GALNT2: variants seen among roughly 807,000 people sequenced by gnomAD.
GALNT2 encodes polypeptide N-acetylgalactosaminyltransferase 2, also known as UDP-GalNAc:polypeptide N-acetylgalactosaminyltransferase 2.
A neutral mutation model predicts 81.4 loss-of-function variants in GALNT2; 31 were observed. The observed-to-expected ratio is 0.38, with a 90% CI of 0.29 to 0.51. The LOEUF is 0.51. Among genes scored for constraint, GALNT2 ranks in the 20% least tolerant of loss-of-function variants. GALNT2 has a pLI of 0.87. For missense variants in GALNT2, 629 were observed against 765.7 expected (o/e 0.82, Z 2.11); for synonymous variants, 303 against 287.4 (o/e 1.05, Z -0.55).
Position 230,279,226 on chromosome 1 carries a change from G to A in GALNT2, c.1561-77G>A. 1.4e-6 allele frequency: 2 copies of A among 1,463,392 alleles called. No homozygotes were observed. The highest frequency in any genetic ancestry group is 2.6e-5 in the South Asian group (2 of 75,516). The allele number at this position is 1,463,392 out of a possible 1,614,324, so 90.7% of individuals were successfully genotyped here. A position where few individuals can be genotyped will look rare whatever the true frequency, so the allele number is the denominator to read the frequency against. Reference sequence around the variant, plus strand: ...CTGTGAGTTTTTAATGCAGCCACAAGGTCCTGAATTCACACGAATCTGTTT... The same window carrying A: ...CTGTGAGTTTTTAATGCAGCCACAAAGTCCTGAATTCACACGAATCTGTTT... On this transcript the variant is annotated intron_variant, in intron 15 of 15. Transcript: ENST00000366672. This position sits in a 1 kb window ranked among gnomAD's most constrained non-coding sequence, Gnocchi z 4.6.
chr1:230,161,283 C>A (rs1316891189), intron 1 of GALNT2, among the ~76,000 whole-genome samples: 1 of 152,238 alleles, frequency 6.6e-6, no homozygotes, highest in Admixed American at 6.5e-5. Context: ...CAACTCTCCA[C>A]ATGCCCCAGT....
At chr1:230,142,782 C>T (rs1260692020) in intron 1 of GALNT2, among the ~76,000 whole-genome samples, 3 of 152,200 alleles carry the variant, frequency 2.0e-5, no homozygotes, top group African/African-American at 7.2e-5. Context: ...ACTTCTTGTC[C>T]TCTGTCTTAC....
At chr1:230,232,813 T>A (rs1664906405) in intron 3 of GALNT2, among the ~76,000 whole-genome samples, 1 of 152,174 alleles carries the variant, frequency 6.6e-6, no homozygotes, top group African/African-American at 2.4e-5. Flanking sequence ...AGCCTGTCAG[T>A]CTACTTGTCA....
At chr1:230,198,695 C>T (rs533184926) in intron 2 of GALNT2, among the ~76,000 whole-genome samples, 1 of 152,190 alleles carries the variant, frequency 6.6e-6, no homozygotes. Context: ...GTTCTGTCTG[C>T]GGAATAATCA....
intron 1 of GALNT2, among the ~76,000 whole-genome samples, chr1:230,126,352 G>A (rs1315750579): frequency 6.6e-6 from 1 of 152,222 alleles, no homozygotes; most frequent in Non-Finnish European, 1.5e-5. Flanking sequence ...AGAGAGGGCA[G>A]CCATGCACTT....
chr1:230,208,874 G>T (rs1348885948), intron 3 of GALNT2, among the ~76,000 whole-genome samples: 1 of 152,080 alleles, frequency 6.6e-6, no homozygotes, highest in East Asian at 1.9e-4. Context: ...GAGGATCGGG[G>T]GTTGTTAGAA....
At chr1:230,267,001 C>CACACAG (rs1666054589) in intron 14 of GALNT2, among the ~76,000 whole-genome samples, 2 of 149,376 alleles carry the variant, frequency 1.3e-5, no homozygotes, top group African/African-American at 4.9e-5. Flanking sequence ...CACACACACA[C>CACACAG]ACACACACAC....
Position 230,279,666 on chromosome 1 carries a change from G to A in GALNT2, c.*208G>A, listed in dbSNP as rs982280838. 1.6e-5 allele frequency: 10 copies of A among 633,376 alleles called. No homozygotes were observed. The highest frequency in any genetic ancestry group is 5.9e-5 in the East Asian group (2 of 33,870). 39.2% of individuals were successfully genotyped at this position (633,376 alleles called of 1,614,324 possible). ...CGAGAACTGCCCTCCCCCTCCTCTC[G>A]GTGCAGCCCAGCCGGGCCCCCTTCC... On this transcript the variant is annotated 3_prime_UTR_variant, in exon 16 of 16. Transcript: ENST00000366672. The surrounding 1 kb of genome is among the most constrained non-coding windows in gnomAD (Gnocchi z 4.6).
At chr1:230,069,054 AG>A (rs1222056581) in intron 1 of GALNT2, among the ~76,000 whole-genome samples, 1 of 152,180 alleles carries the variant, frequency 6.6e-6, no homozygotes. Context: ...TTTCATGCAA[AG>A]AAAACCAAAC....
chr1:230,065,288 T>C (rs1179822469), upstream of GALNT2, among the ~76,000 whole-genome samples: 1 of 152,226 alleles, frequency 6.6e-6, no homozygotes, highest in Admixed American at 6.5e-5. Context: ...CTTGGACACC[T>C]TGTAATTATT....
intron 1 of GALNT2, among the ~76,000 whole-genome samples, chr1:230,059,703 C>CA (rs988632161): frequency 6.6e-6 from 1 of 152,088 alleles, no homozygotes; most frequent in African/African-American, 2.4e-5. Flanking sequence ...TCAAACTTAC[C>CA]AAAAAAGTTG....
chr1:230,198,418 G>A (rs955571392), intron 2 of GALNT2, among the ~76,000 whole-genome samples: 1 of 145,036 alleles, frequency 6.9e-6, no homozygotes, highest in Non-Finnish European at 1.5e-5. Flanking sequence ...AGGAGAGTAC[G>A]AGGAGTGGCA....
chr1:230,071,652 G>A (rs868778414), intron 1 of GALNT2, among the ~76,000 whole-genome samples: 12 of 152,226 alleles, frequency 7.9e-5, no homozygotes, highest in Middle Eastern at 3.4e-3. Context: ...GATGCGGAGG[G>A]GAACACCCAT....
chr1:230,067,520 C>G, intron 1 of GALNT2, 114 bp downstream of exon 1: 1 of 340,604 alleles, frequency 2.9e-6, no homozygotes, highest in East Asian at 6.2e-5. Context: ...CCTCCGCTCG[C>G]GTCGCCCGCC....
At chr1:230,147,815 C>T (rs1036147499) in intron 1 of GALNT2, among the ~76,000 whole-genome samples, 1 of 152,210 alleles carries the variant, frequency 6.6e-6, no homozygotes, top group African/African-American at 2.4e-5. Flanking sequence ...TGTGGGTCAC[C>T]TCTGGCTCCC....
chr1:230,095,966 T>G (rs1660244041), intron 1 of GALNT2, among the ~76,000 whole-genome samples: 2 of 152,218 alleles, frequency 1.3e-5, no homozygotes, highest in African/African-American at 4.8e-5. Context: ...AGAACTTGTT[T>G]AAGCCATGAC....
At chr1:230,201,113 G>C (rs1663880041) in intron 2 of GALNT2, among the ~76,000 whole-genome samples, 1 of 152,090 alleles carries the variant, frequency 6.6e-6, no homozygotes, top group African/African-American at 2.4e-5. Context: ...AGAGAGTGGA[G>C]GATCAGTAAG....
rs901758918 is a variant in GALNT2, at chr1:230,081,313, C to T, written c.126+13907C>T. Among the ~76,000 whole-genome samples, 4 of 152,190 alleles carry T rather than the reference C, an allele frequency of 2.6e-5. No individual in the cohort carries two copies. The South Asian group carries it at 8.3e-4, about 32-fold the overall frequency. ...TAGCTTCAGGCCAGAACCCTTTCCC[C>T]ATCCAGTGTTCAGTGGCCAGGAGAT... On this transcript the variant is annotated intron_variant, in intron 1 of 15. Coordinates refer to ENST00000366672, the MANE Select transcript of GALNT2 (RefSeq NM_004481.5).
intron 1 of GALNT2, among the ~76,000 whole-genome samples, chr1:230,145,833 G>A (rs889504618): frequency 6.6e-6 from 1 of 152,222 alleles, no homozygotes; most frequent in Non-Finnish European, 1.5e-5. Flanking sequence ...TTACTTAATT[G>A]TAAAGAAATG....
Sources: allele counts gnomAD v4.1 joint callset (sites outside exome capture counted in the v4.1 genomes callset), GRCh38; gene constraint gnomAD v4.1.1; non-coding constraint Gnocchi (gnomAD v3.1); transcripts MANE v1.5; gene names NCBI Gene and HGNC (gene_info 2026-07-23, HGNC 2026-07-21).